MAF: variants seen among roughly 807,000 people sequenced by gnomAD.
MAF encodes the protein MAF bZIP transcription factor.
Under a neutral mutation model 22.0 loss-of-function variants are expected in MAF, and 10 were observed. The ratio of observed to expected loss-of-function variants is 0.45; its 90% CI spans 0.28 to 0.77. The LOEUF (loss-of-function observed/expected upper bound fraction) is 0.77. Ranked by LOEUF, MAF falls within the 30% of genes least tolerant of loss-of-function variation. The pLI is 0.12. For missense variants in MAF, 544 were observed against 548.4 expected, an observed-to-expected ratio of 0.99 and a Z score of 0.08; for synonymous variants, 337 against 255.8, an observed-to-expected ratio of 1.32 and a Z score of -3.03.
chr16:79,285,125 G>A, the MAF span, among the ~76,000 whole-genome samples: 1 of 152,040 alleles, frequency 6.6e-6, no homozygotes, highest in Non-Finnish European at 1.5e-5. Context: ...AAGAGTTCCT[G>A]ACCCATTTAA....
the MAF span, among the ~76,000 whole-genome samples, chr16:79,510,112 A>T: frequency 7.2e-5 from 11 of 152,334 alleles, 1 homozygote; most frequent in South Asian, 4.1e-4. Context: ...CCGAACTTTA[A>T]GCCTCAGTTT....
chr16:79,297,864 C>T, the MAF span, among the ~76,000 whole-genome samples: 9 of 152,306 alleles, frequency 5.9e-5, no homozygotes, highest in African/African-American at 2.2e-4. Flanking sequence ...GAGCAGGGCG[C>T]CCACACCCAG....
the MAF span, among the ~76,000 whole-genome samples, chr16:79,341,087 C>A: frequency 6.6e-6 from 1 of 152,114 alleles, no homozygotes; most frequent in Admixed American, 6.5e-5. Flanking sequence ...GCAGGAAGAA[C>A]CAGGTGTGAT....
chr16:79,419,654 C>T, the MAF span, among the ~76,000 whole-genome samples: 7 of 152,154 alleles, frequency 4.6e-5, no homozygotes, highest in Non-Finnish European at 8.8e-5. Context: ...ATGAGAACAG[C>T]CCCACTCAGA....
In MAF at chr16:79,595,030, T is replaced by C. The variant is rs1913430780; in HGVS notation, c.1119-477A>G. On this transcript the variant is annotated intron_variant, in intron 1 of 1. Transcript: ENST00000326043. ...GAATATCACTCTTATTTTGAGAATG[T>C]TTGCCTAAAATCTTTCATCAGATGC... 3 of 1,057,272 alleles carry C rather than the reference T, an allele frequency of 2.8e-6. 1 individual carries two copies. The South Asian group carries it at 1.3e-4, about 47-fold the overall frequency. 65.5% of individuals were successfully genotyped at this position (1,057,272 alleles called of 1,614,324 possible). A position where few individuals can be genotyped will look rare whatever the true frequency, so the allele number is the denominator to read the frequency against.
At chr16:79,225,434 TCC>T in the MAF span, among the ~76,000 whole-genome samples, 1 of 152,044 alleles carries the variant, frequency 6.6e-6, no homozygotes, top group African/African-American at 2.4e-5. Context: ...GGCAACACCA[TCC>T]AGGTCATAGG....
At chr16:79,327,932 C>G in the MAF span, among the ~76,000 whole-genome samples, 1 of 152,216 alleles carries the variant, frequency 6.6e-6, no homozygotes, top group Admixed American at 6.5e-5. Flanking sequence ...AGGTGCCAAC[C>G]AGACTTACGT....
the MAF span, among the ~76,000 whole-genome samples, chr16:79,313,827 G>C: frequency 2.0e-3 from 300 of 152,220 alleles, 2 homozygotes; most frequent in African/African-American, 6.6e-3. Context: ...TGGAGTCAGG[G>C]GGATAGAGGT....
the MAF span, among the ~76,000 whole-genome samples, chr16:79,301,424 T>C: frequency 6.6e-6 from 1 of 151,962 alleles, no homozygotes; most frequent in Non-Finnish European, 1.5e-5. Context: ...AGTGCATTTT[T>C]TCCCCCCATT....
At chr16:79,218,528 G>T in the MAF span, among the ~76,000 whole-genome samples, 1 of 152,122 alleles carries the variant, frequency 6.6e-6, no homozygotes, top group Admixed American at 6.5e-5. Context: ...ATGCTATCTG[G>T]AAGGGTTACA....
the MAF span, among the ~76,000 whole-genome samples, chr16:79,445,080 C>T: frequency 1.3e-5 from 2 of 152,152 alleles, no homozygotes; most frequent in African/African-American, 2.4e-5. Flanking sequence ...GTCGCCCAGA[C>T]TGGAGTGCAG....
chr16:79,565,637 C>T, the MAF span, among the ~76,000 whole-genome samples: 1 of 152,276 alleles, frequency 6.6e-6, no homozygotes, highest in Admixed American at 6.5e-5. Flanking sequence ...CAGCACTTCT[C>T]CTTCCCGCCT....
chr16:79,511,142 C>A, the MAF span, among the ~76,000 whole-genome samples: 1 of 152,126 alleles, frequency 6.6e-6, no homozygotes, highest in Non-Finnish European at 1.5e-5. Flanking sequence ...TTCTGTGTCT[C>A]CTGCAGATGA....
chr16:79,342,297 C>T, the MAF span, among the ~76,000 whole-genome samples: 3 of 152,108 alleles, frequency 2.0e-5, no homozygotes, highest in African/African-American at 7.2e-5. Flanking sequence ...GAAAGAGGGC[C>T]CTCGTTGCTC....
chr16:79,287,566 T>C, the MAF span, among the ~76,000 whole-genome samples: 4 of 152,206 alleles, frequency 2.6e-5, no homozygotes, highest in Admixed American at 2.6e-4. Context: ...AGCTGGAGTG[T>C]CTACGCAGGC....
At chr16:79,570,846 CTG>C in the MAF span, among the ~76,000 whole-genome samples, 46 of 152,218 alleles carry the variant, frequency 3.0e-4, no homozygotes, top group African/African-American at 1.1e-3. Context: ...GGAATATGTT[CTG>C]TGCGAGTTTC....
the MAF span, among the ~76,000 whole-genome samples, chr16:79,268,821 G>A: frequency 9.7e-3 from 1,484 of 152,284 alleles, 19 homozygotes; most frequent in Middle Eastern, 0.054. Context: ...ATGCACACAA[G>A]CCGCATTGTC....
chr16:79,231,312 G>C, the MAF span, among the ~76,000 whole-genome samples: 2 of 151,920 alleles, frequency 1.3e-5, no homozygotes, highest in Non-Finnish European at 2.9e-5. Context: ...ATTCTGACCT[G>C]GTTTCTGGGG....
At chr16:79,411,054 T>A in the MAF span, among the ~76,000 whole-genome samples, 1 of 152,350 alleles carries the variant, frequency 6.6e-6, no homozygotes, top group African/African-American at 2.4e-5. Flanking sequence ...GCCTGAGTAC[T>A]GCCTTCTGCA....
Sources: allele counts gnomAD v4.1 joint callset (sites outside exome capture counted in the v4.1 genomes callset), GRCh38; gene constraint gnomAD v4.1.1; transcripts MANE v1.5; gene names NCBI Gene and HGNC (gene_info 2026-07-23, HGNC 2026-07-21).